The following SLC2A13 variants were observed in gnomAD, a reference collection of about 807,000 sequenced individuals.
SLC2A13 encodes solute carrier family 2 member 13.
Under a neutral mutation model 64.4 loss-of-function variants are expected in SLC2A13, and 32 were observed. The ratio of observed to expected loss-of-function variants is 0.50; its 90% CI spans 0.37 to 0.67. SLC2A13 has a LOEUF of 0.67. SLC2A13 is among the 30% of genes least tolerant of loss of function. SLC2A13 has a pLI of 0.00. For missense variants in SLC2A13, 743 were observed against 829.2 expected (o/e 0.90, Z 1.28); for synonymous variants, 338 against 327.1 (o/e 1.03, Z -0.36).
chr12:40,098,372 A>G (rs956314550), intron 1 of SLC2A13, among the ~76,000 whole-genome samples: 2 of 152,238 alleles, frequency 1.3e-5, no homozygotes, highest in Non-Finnish European at 2.9e-5. Context: ...TAATAGACAC[A>G]GTGTTTCAGT....
intron 4 of SLC2A13, among the ~76,000 whole-genome samples, chr12:39,879,793 T>C (rs1944295299): frequency 6.6e-6 from 1 of 152,050 alleles, no homozygotes; most frequent in Non-Finnish European, 1.5e-5. Flanking sequence ...GAGGGACCAT[T>C]GGGAAGGCAA....
chr12:40,103,566 A>G (rs193047568), intron 1 of SLC2A13, among the ~76,000 whole-genome samples: 3 of 152,342 alleles, frequency 2.0e-5, no homozygotes, highest in East Asian at 3.9e-4. Flanking sequence ...AGTAAACATA[A>G]TACCCAAGAT....
At chr12:40,061,516 G>A (rs4768210) in intron 1 of SLC2A13, among the ~76,000 whole-genome samples, 133,787 of 152,140 alleles carry the variant, frequency 0.88, 58,948 homozygotes, top group East Asian at 0.95. Context: ...AAGTTCTAAA[G>A]GTACAGTGTA....
intron 3 of SLC2A13, 58 bp downstream of exon 3, chr12:40,028,243 A>T (rs1947851259): frequency 1.6e-6 from 2 of 1,260,046 alleles, no homozygotes; most frequent in Non-Finnish European, 2.2e-6. Context: ...ACACAAAATA[A>T]TGACAAATAA....
At chr12:40,058,793 T>C (rs1948373367) in intron 1 of SLC2A13, among the ~76,000 whole-genome samples, 1 of 152,218 alleles carries the variant, frequency 6.6e-6, no homozygotes, top group African/African-American at 2.4e-5. Context: ...ATAAGCAAGA[T>C]GCCGTAACTA....
At chr12:40,101,169 T>G (rs1939136713) in intron 1 of SLC2A13, among the ~76,000 whole-genome samples, 1 of 151,518 alleles carries the variant, frequency 6.6e-6, no homozygotes, top group Non-Finnish European at 1.5e-5. Context: ...CAAAGATGAC[T>G]CTGGTGAACC....
chr12:39,779,851 A>C (rs111772315), intron 7 of SLC2A13, among the ~76,000 whole-genome samples: 1 of 152,252 alleles, frequency 6.6e-6, no homozygotes, highest in Non-Finnish European at 1.5e-5. Context: ...TTCCACTGCA[A>C]GAGTGCCTGC....
intron 7 of SLC2A13, among the ~76,000 whole-genome samples, chr12:39,783,800 T>C (rs572694938): frequency 6.6e-6 from 1 of 152,324 alleles, no homozygotes; most frequent in Non-Finnish European, 1.5e-5. Flanking sequence ...TGTTTGCAGA[T>C]GACATGACTG....
intron 6 of SLC2A13, among the ~76,000 whole-genome samples, chr12:39,843,441 A>C (rs999084298): frequency 6.6e-6 from 1 of 152,070 alleles, no homozygotes; most frequent in Admixed American, 6.6e-5. Context: ...CAGAAAGAAT[A>C]ATAGGGAATC....
At chr12:39,794,822 A>T (rs1353464216) in intron 7 of SLC2A13, among the ~76,000 whole-genome samples, 1 of 152,184 alleles carries the variant, frequency 6.6e-6, no homozygotes, top group Non-Finnish European at 1.5e-5. Flanking sequence ...AATTTGTCTA[A>T]GGTTTTTAAC....
intron 7 of SLC2A13, among the ~76,000 whole-genome samples, chr12:39,772,013 C>G (rs934123136): frequency 2.6e-5 from 4 of 152,140 alleles, no homozygotes; most frequent in African/African-American, 9.7e-5. Context: ...CACCCAAGGC[C>G]TGTGTGGATG....
At chr12:39,973,230 T>C (rs938179463) in intron 3 of SLC2A13, among the ~76,000 whole-genome samples, 3 of 152,230 alleles carry the variant, frequency 2.0e-5, no homozygotes, top group Non-Finnish European at 2.9e-5. Context: ...AATGATCAAG[T>C]CTCTGCTATC....
intron 7 of SLC2A13, chr12:39,819,789 G>A (rs534675520): frequency 6.6e-6 from 1 of 152,524 alleles, no homozygotes; most frequent in African/African-American, 2.4e-5. Context: ...AAGGATAAAT[G>A]CTCCTTTCAA....
chr12:39,940,008 G>A (rs553656209), intron 4 of SLC2A13, among the ~76,000 whole-genome samples: 22 of 152,082 alleles, frequency 1.4e-4, no homozygotes, highest in African/African-American at 5.1e-4. Flanking sequence ...CTGATTCCTG[G>A]GTTAATATTC....
At chr12:39,932,647 A>C (rs1015650591) in intron 4 of SLC2A13, among the ~76,000 whole-genome samples, 2 of 152,196 alleles carry the variant, frequency 1.3e-5, no homozygotes, top group African/African-American at 4.8e-5. Flanking sequence ...TGTGATATTG[A>C]TGGAAAAAGG....
In SLC2A13 at chr12:40,059,863, T is replaced by C. The variant is rs1255458767; in HGVS notation, c.557-11653A>G. ...TCCTCCAAGGGTATAGGGAGGATGC[T>C]CTCTGGACTGGGGGCCTTATAATCC... On this transcript the variant is annotated intron_variant, in intron 1 of 9. Coordinates refer to ENST00000280871, the MANE Select transcript of SLC2A13 (RefSeq NM_052885.4). 2.0e-5 allele frequency among the ~76,000 whole-genome samples: 3 copies of C among 152,104 alleles called. No homozygotes were observed. The East Asian group carries it at 5.8e-4, about 29-fold the overall frequency.
At chr12:39,977,535 A>G (rs1946785894) in intron 3 of SLC2A13, among the ~76,000 whole-genome samples, 1 of 152,254 alleles carries the variant, frequency 6.6e-6, no homozygotes, top group African/African-American at 2.4e-5. Flanking sequence ...AATGTGGCTG[A>G]AAAAACACAT....
intron 3 of SLC2A13, among the ~76,000 whole-genome samples, chr12:39,978,800 T>C (rs1946821935): frequency 6.6e-6 from 1 of 151,954 alleles, no homozygotes; most frequent in South Asian, 2.1e-4. Context: ...GCCTGGAAGC[T>C]CGAACTGGGT....
chr12:39,978,536 C>G (rs913971810), intron 3 of SLC2A13, among the ~76,000 whole-genome samples: 5 of 152,206 alleles, frequency 3.3e-5, no homozygotes, highest in African/African-American at 1.2e-4. Flanking sequence ...AGGGAGTTCC[C>G]TTTCGGAGTC....
Sources: gnomAD v4.1 joint callset for allele counts (sites outside exome capture counted in the v4.1 genomes callset) on GRCh38, gnomAD v4.1.1 for gene constraint, MANE v1.5 for transcripts, NCBI Gene and HGNC (gene_info 2026-07-23, HGNC 2026-07-21) for gene names.